Variants in SOX6 observed in about 807,000 individuals in gnomAD.
SOX6 encodes the protein transcription factor SOX-6.
A neutral mutation model predicts 97.8 loss-of-function variants in SOX6; 11 were observed. The observed-to-expected ratio is 0.11, with a 90% CI of 0.07 to 0.19. SOX6 has a LOEUF of 0.19. Among genes scored for constraint, SOX6 ranks in the 10% least tolerant of loss-of-function variants. SOX6 has a pLI of 1.00. For missense variants in SOX6, 810 were observed against 1,039.5 expected, an observed-to-expected ratio of 0.78 and a Z score of 3.04; for synonymous variants, 360 against 371.4, an observed-to-expected ratio of 0.97 and a Z score of 0.35.
intron 4 of SOX6, among the ~76,000 whole-genome samples, chr11:16,496,386 C>A (rs543683056): frequency 9.9e-5 from 15 of 151,440 alleles, no homozygotes; most frequent in Non-Finnish European, 1.9e-4. Flanking sequence ...CAGCTCCCAG[C>A]GTGAGAAACG....
chr11:16,350,066 TG>T (rs905381703), intron 1 of SOX6, among the ~76,000 whole-genome samples: 1 of 152,126 alleles, frequency 6.6e-6, no homozygotes, highest in African/African-American at 2.4e-5. Context: ...TACACCAGGG[TG>T]ACAGTGAAAT....
intron 4 of SOX6, among the ~76,000 whole-genome samples, chr11:16,534,604 T>C (rs1861280161): frequency 6.6e-6 from 1 of 152,130 alleles, no homozygotes; most frequent in African/African-American, 2.4e-5. Flanking sequence ...GTTAGAAAAC[T>C]ATGCCACTTC....
At chr11:16,170,609 T>C (rs1291131604) in intron 6 of SOX6, among the ~76,000 whole-genome samples, 1 of 151,956 alleles carries the variant, frequency 6.6e-6, no homozygotes, top group East Asian at 1.9e-4. Context: ...ACTGAAATGG[T>C]TAAGGACCCG....
At chr11:16,147,246 G>T (rs193106890) in intron 6 of SOX6, among the ~76,000 whole-genome samples, 6 of 152,164 alleles carry the variant, frequency 3.9e-5, no homozygotes, top group Admixed American at 6.5e-5. Flanking sequence ...GCAAACTATC[G>T]CAAGGACAAC....
chr11:16,170,297 C>T (rs1851000727), intron 6 of SOX6, among the ~76,000 whole-genome samples: 1 of 151,898 alleles, frequency 6.6e-6, no homozygotes, highest in Admixed American at 6.6e-5. Flanking sequence ...GTGCTTAATA[C>T]ATGAGAGCTC....
Position 15,972,757 on chromosome 11 carries a change from T to C in SOX6, c.*52A>G, listed in dbSNP as rs894289919. ...TGCGGGCTCTTTAATAACTCTTTGT[T>C]GGGGAGGGGGGTGAAATGTCAGAGT... On this transcript the variant is annotated 3_prime_UTR_variant, in exon 16 of 16. Coordinates refer to ENST00000683767, the MANE Select transcript of SOX6 (RefSeq NM_001367873.1). The C allele has an allele frequency of 1.9e-6, 3 of 1,594,616 alleles. No homozygotes were observed. Among genetic ancestry groups the C allele is most frequent in the Non-Finnish European group, 2.6e-6 (3 of 1,162,752 alleles).
At chr11:16,019,674 T>C (rs1854996083) in intron 12 of SOX6, among the ~76,000 whole-genome samples, 1 of 152,248 alleles carries the variant, frequency 6.6e-6, no homozygotes, top group East Asian at 1.9e-4. Context: ...TCTGGTATGA[T>C]TCTTTCTTAG....
chr11:16,396,399 TACAC>T (rs1049411535), intron 1 of SOX6, among the ~76,000 whole-genome samples: 2 of 151,686 alleles, frequency 1.3e-5, no homozygotes, highest in Admixed American at 1.3e-4. Context: ...TTTTCACAAA[TACAC>T]ACACACAAAC....
chr11:16,234,794 C>A lies in SOX6; in HGVS notation c.446-123G>T, dbSNP rs575853768. ...GTTTTTGTTGCTGTAGCTTGAACCCCAGGATATAGAAAATTACATTATTCT... is the reference window on the plus strand; with the variant it reads ...GTTTTTGTTGCTGTAGCTTGAACCCAAGGATATAGAAAATTACATTATTCT... On this transcript the variant is annotated intron_variant, in intron 3 of 15. Transcript: ENST00000683767. 31 of 526,280 alleles carry A rather than the reference C, an allele frequency of 5.9e-5. 1 individual carries two copies. In the South Asian group the frequency reaches 8.2e-4, roughly 14 times the overall value. 32.6% of individuals were successfully genotyped at this position (526,280 alleles called of 1,614,324 possible). A position where few individuals can be genotyped will look rare whatever the true frequency, so the allele number is the denominator to read the frequency against.
At chr11:16,606,081 C>T (rs770100724) in intron 4 of SOX6, 4 of 151,704 alleles carry the variant, frequency 2.6e-5, no homozygotes, top group Admixed American at 6.6e-5. Flanking sequence ...ACAACTAAGA[C>T]AGCCGAGGAG....
intron 6 of SOX6, among the ~76,000 whole-genome samples, chr11:16,130,099 A>G (rs531152071): frequency 1.3e-5 from 2 of 152,212 alleles, no homozygotes; most frequent in Non-Finnish European, 2.9e-5. Context: ...TAAATTAAGC[A>G]GTCACAACAT....
chr11:16,075,801 T>TATA (rs920591924), intron 9 of SOX6, among the ~76,000 whole-genome samples: 8 of 151,876 alleles, frequency 5.3e-5, no homozygotes, highest in South Asian at 2.1e-4. Context: ...ACTTAAAGTA[T>TATA]ATAATAATAA....
At chr11:16,282,218 G>A (rs1854587031) in intron 3 of SOX6, among the ~76,000 whole-genome samples, 1 of 150,638 alleles carries the variant, frequency 6.6e-6, no homozygotes, top group African/African-American at 2.4e-5. Flanking sequence ...CCCTTCCATT[G>A]AGGTGAAGAG....
chr11:16,728,690 A>C (rs1368177142), intron 2 of SOX6, among the ~76,000 whole-genome samples: 2 of 152,070 alleles, frequency 1.3e-5, no homozygotes, highest in Non-Finnish European at 2.9e-5. Flanking sequence ...AAGGATCACA[A>C]CTCCTGATCA....
chr11:16,235,662 C>T (rs146837585), intron 3 of SOX6, among the ~76,000 whole-genome samples: 250 of 152,250 alleles, frequency 1.6e-3, no homozygotes, highest in Non-Finnish European at 2.4e-3. Flanking sequence ...AAAACAGTTA[C>T]TCCAATTCTA....
chr11:16,680,171 G>A (rs536762910), intron 3 of SOX6, among the ~76,000 whole-genome samples: 1 of 152,176 alleles, frequency 6.6e-6, no homozygotes, highest in Non-Finnish European at 1.5e-5. Context: ...ATTCACCAAG[G>A]TTGAAATGAA....
chr11:16,146,992 C>A (rs183681700), intron 6 of SOX6, among the ~76,000 whole-genome samples: 6 of 152,188 alleles, frequency 3.9e-5, no homozygotes, highest in Non-Finnish European at 1.5e-5. Context: ...ACCCAGCCAT[C>A]CCATTACTGG....
chr11:16,007,609 A>G (rs1201576923), intron 13 of SOX6, among the ~76,000 whole-genome samples: 1 of 152,136 alleles, frequency 6.6e-6, no homozygotes, highest in Non-Finnish European at 1.5e-5. Context: ...GAGAATTTAA[A>G]GCACATTCAT....
At chr11:16,399,139 A>G (rs550395491) in intron 1 of SOX6, among the ~76,000 whole-genome samples, 17 of 151,418 alleles carry the variant, frequency 1.1e-4, no homozygotes, top group South Asian at 2.1e-4. Flanking sequence ...CCTCATCTGT[A>G]AAATGAATAT....
Sources: allele counts gnomAD v4.1 joint callset (sites outside exome capture counted in the v4.1 genomes callset), GRCh38; gene constraint gnomAD v4.1.1; transcripts MANE v1.5; gene names NCBI Gene and HGNC (gene_info 2026-07-23, HGNC 2026-07-21).